The following SYNE2 variants were observed in gnomAD, a reference collection of about 807,000 sequenced individuals.
The protein encoded by SYNE2 is spectrin repeat containing nuclear envelope protein 2, also known as nesprin-2.
Under a neutral mutation model 856.3 loss-of-function variants are expected in SYNE2, and 431 were observed. The observed-to-expected ratio is 0.50, with a 90% CI of 0.47 to 0.55. SYNE2 has a LOEUF of 0.55. Among genes scored for constraint, SYNE2 ranks in the 20% least tolerant of loss-of-function variants. SYNE2 has a pLI of 0.00. For synonymous variants in SYNE2, 2,923 were observed against 2,872.3 expected, an observed-to-expected ratio of 1.02 and a Z score of -0.56; for missense variants, 8,129 against 8,023.2, an observed-to-expected ratio of 1.01 and a Z score of -0.50.
At chr14:63,862,664 C>T (rs1037253104) in intron 1 of SYNE2, among the ~76,000 whole-genome samples, 6 of 152,182 alleles carry the variant, frequency 3.9e-5, no homozygotes, top group Admixed American at 3.9e-4. Context: ...ACTATACACG[C>T]ATGCCCTGCC....
At chr14:64,225,186 C>T (rs1486680413) in intron 115 of SYNE2, 133 bp from the exon 116 acceptor site, 3 of 1,555,882 alleles carry the variant, frequency 1.9e-6, no homozygotes, top group Non-Finnish European at 2.6e-6. Flanking sequence ...TCCTCTGAAA[C>T]TGAACCCCAA....
At chr14:63,940,838 C>G (rs558811341) in intron 3 of SYNE2, among the ~76,000 whole-genome samples, 163 bp downstream of exon 3, 15 of 152,144 alleles carry the variant, frequency 9.9e-5, no homozygotes, top group Non-Finnish European at 1.2e-4. Flanking sequence ...TTGTCTTGAT[C>G]TTGTTTTGAT....
chr14:63,881,412 A>G lies in SYNE2; in HGVS notation c.-51-27686A>G, dbSNP rs565770338. ...CACAGTGGCTTACGGCTGTAATCCC[A>G]GCACTTTGGGAGGATCGTTTGAAGA... On this transcript the variant is annotated intron_variant, in intron 1 of 115. Coordinates refer to ENST00000555002, the MANE Select transcript of SYNE2 (RefSeq NM_182914.3). Among the ~76,000 whole-genome samples the G allele has an allele frequency of 9.5e-4, 144 of 152,086 alleles. 2 individuals are homozygous for G. Among genetic ancestry groups the G allele is most frequent in the African/African-American group, 3.0e-3 (126 of 41,524 alleles).
chr14:63,894,463 C>T (rs955005372), intron 1 of SYNE2, among the ~76,000 whole-genome samples: 1 of 152,082 alleles, frequency 6.6e-6, no homozygotes, highest in African/African-American at 2.4e-5. Flanking sequence ...CTCAGGGGAT[C>T]CTCCTGCCGT....
At chr14:64,212,566 C>T (rs2098646922) in intron 104 of SYNE2, among the ~76,000 whole-genome samples, 1 of 152,178 alleles carries the variant, frequency 6.6e-6, no homozygotes, top group South Asian at 2.1e-4. Context: ...AAATGTCCAC[C>T]CGTGTCAAAC....
intron 80 of SYNE2, 25 bp downstream of exon 80, chr14:64,140,098 GTTAA>G (rs755873557): frequency 5.9e-5 from 94 of 1,603,660 alleles, no homozygotes; most frequent in Non-Finnish European, 7.2e-5. Context: ...CATATGTTCA[GTTAA>G]TTACTGGTCA....
intron 1 of SYNE2, among the ~76,000 whole-genome samples, chr14:63,846,884 A>G (rs1566604356): frequency 6.6e-6 from 1 of 152,064 alleles, no homozygotes; most frequent in Non-Finnish European, 1.5e-5. Context: ...GGTGTGAACC[A>G]TGTACCTGGC....
chr14:64,001,076 T>G (rs1403234245), intron 28 of SYNE2, among the ~76,000 whole-genome samples: 1 of 152,184 alleles, frequency 6.6e-6, no homozygotes, highest in Non-Finnish European at 1.5e-5. Flanking sequence ...AGAGTGTTAT[T>G]AGGACCTTGT....
At chr14:64,028,864 C>T (rs767608827) in intron 43 of SYNE2, among the ~76,000 whole-genome samples, 3 of 152,128 alleles carry the variant, frequency 2.0e-5, no homozygotes, top group Non-Finnish European at 4.4e-5. Flanking sequence ...AGGCTGGGCA[C>T]GGTGGCTCAA....
intron 70 of SYNE2, among the ~76,000 whole-genome samples, chr14:64,122,799 A>G (rs952732284): frequency 6.6e-6 from 1 of 152,168 alleles, no homozygotes; most frequent in Admixed American, 6.5e-5. Flanking sequence ...AAAGGAATGA[A>G]TATGTATTTT....
intron 103 of SYNE2, 143 bp from the exon 104 acceptor site, chr14:64,211,818 T>TG: frequency 1.6e-6 from 2 of 1,215,226 alleles, no homozygotes; most frequent in Non-Finnish European, 2.4e-6. Context: ...ATAGTGCTTC[T>TG]GGGGCTTTCT....
At chr14:64,061,430 C>T (rs2097316296) in intron 49 of SYNE2, among the ~76,000 whole-genome samples, 2 of 152,154 alleles carry the variant, frequency 1.3e-5, no homozygotes, top group South Asian at 4.1e-4. Flanking sequence ...AGGTTATGTA[C>T]ATCTTACATT....
At chr14:63,780,951 A>G (rs1887282739) in intron 1 of SYNE2, among the ~76,000 whole-genome samples, 1 of 152,140 alleles carries the variant, frequency 6.6e-6, no homozygotes, top group Non-Finnish European at 1.5e-5. Flanking sequence ...GGGAGGTTAA[A>G]TGGGTATATT....
At chr14:63,806,877 T>A (rs907790278) in intron 1 of SYNE2, among the ~76,000 whole-genome samples, 24 of 124,468 alleles carry the variant, frequency 1.9e-4, no homozygotes, top group Middle Eastern at 4.0e-3. Context: ...AACTTAAAAT[T>A]TTTTTTTTTT....
At chr14:63,976,431 C>T (rs983046414) in intron 11 of SYNE2, 132 bp from the exon 12 acceptor site, 3 of 908,636 alleles carry the variant, frequency 3.3e-6, no homozygotes, top group Non-Finnish European at 5.0e-6. Context: ...TGAAGATTTC[C>T]ATGATAATTG....
At chr14:63,995,271 CT>C in intron 23 of SYNE2, 69 bp downstream of exon 23, 2 of 1,394,368 alleles carry the variant, frequency 1.4e-6, no homozygotes, top group South Asian at 1.2e-5. Flanking sequence ...TTGTGTGTAT[CT>C]TTAGCCTAGG....
At chr14:64,225,239 A>C in intron 115 of SYNE2, 80 bp from the exon 116 acceptor site, 1 of 1,608,402 alleles carries the variant, frequency 6.2e-7, no homozygotes, top group South Asian at 1.1e-5. Context: ...TTTCTTACTT[A>C]CATAAGCAGG....
chr14:63,995,185 C>G lies in SYNE2; in HGVS notation c.2923C>G (p.Leu975Val). Residue 975 changes from leucine to valine, a missense_variant, in exon 23 of 116, where the codon CTC (leucine) becomes GTC (valine). Leu to Val is a conservative substitution (Grantham distance 32). This residue lies in a region of SYNE2 where 2,422 missense variants were observed against 2,357.4 expected (regional missense o/e 1.03). Transcript: ENST00000555002. ...TATCCGTAGAGGAAGGACCAAGGGT[C>G]TCATCAAAGAACATGAGGTACAATA... ...KLIRRGRTKG[L>V]IKEHEACFSE... is the part of the protein sequence containing the mutation. 3.1e-6 allele frequency: 5 copies of G among 1,607,548 alleles called. No individual in the cohort carries two copies. Among genetic ancestry groups the G allele is most frequent in the Non-Finnish European group, 3.4e-6 (4 of 1,176,186 alleles).
intron 20 of SYNE2, 53 bp downstream of exon 20, chr14:63,990,622 T>A: frequency 6.5e-7 from 1 of 1,535,884 alleles, no homozygotes; most frequent in South Asian, 1.1e-5. Flanking sequence ...AACTGAGGGG[T>A]CACTGAGTGG....
Sources: gnomAD v4.1 joint callset for allele counts (sites outside exome capture counted in the v4.1 genomes callset) on GRCh38, gnomAD v4.1.1 for gene constraint, gnomAD v4.1.1 regional missense constraint, MANE v1.5 for transcripts, NCBI Gene and HGNC (gene_info 2026-07-23, HGNC 2026-07-21) for gene names.